The following ZC3HAV1 variants were observed in gnomAD, a reference collection of about 807,000 sequenced individuals.
ZC3HAV1 encodes the protein zinc finger CCCH-type containing, antiviral 1.
In ZC3HAV1, 41 loss-of-function variants were observed where a neutral mutation model predicts 86.6. The observed-to-expected ratio is 0.47, with a 90% CI of 0.37 to 0.61. The LOEUF (loss-of-function observed/expected upper bound fraction) is 0.61. ZC3HAV1 is among the 20% of genes least tolerant of loss of function. The pLI, the probability that ZC3HAV1 is intolerant of heterozygous loss-of-function variation, is 0.00. For missense variants in ZC3HAV1, 964 were observed against 1,141.1 expected (o/e 0.84, Z 2.24); for synonymous variants, 421 against 432.1 (o/e 0.97, Z 0.32).
intron 12 of ZC3HAV1, among the ~76,000 whole-genome samples, chr7:139,048,103 C>A (rs565916975): frequency 1.8e-4 from 28 of 152,236 alleles, no homozygotes; most frequent in African/African-American, 4.1e-4. Context: ...ATAGTGTGAG[C>A]CATTGGGTGC....
chr7:139,092,875 G>A (rs994969764), intron 1 of ZC3HAV1, among the ~76,000 whole-genome samples: 1 of 152,094 alleles, frequency 6.6e-6, no homozygotes, highest in African/African-American at 2.4e-5. Flanking sequence ...TCTCTGTCTC[G>A]TCTTGGTCTG....
intron 7 of ZC3HAV1, among the ~76,000 whole-genome samples, chr7:139,068,938 T>C (rs745555392): frequency 1.2e-4 from 18 of 152,248 alleles, no homozygotes; most frequent in Non-Finnish European, 1.3e-4. Flanking sequence ...GTCACACAAC[T>C]GACTGATGGT....
At chr7:139,089,175 C>T (rs1409442661) in intron 2 of ZC3HAV1, among the ~76,000 whole-genome samples, 2 of 150,988 alleles carry the variant, frequency 1.3e-5, no homozygotes, top group Admixed American at 1.3e-4. Flanking sequence ...TTGCTGACCC[C>T]TGACCTAGAT....
At chr7:139,088,260 A>G (rs1817331934) in intron 2 of ZC3HAV1, among the ~76,000 whole-genome samples, 1 of 152,100 alleles carries the variant, frequency 6.6e-6, no homozygotes, top group Non-Finnish European at 1.5e-5. Context: ...ACTGTTAATT[A>G]TCCACCATTG....
intron 1 of ZC3HAV1, among the ~76,000 whole-genome samples, chr7:139,099,927 A>G (rs534889357): frequency 1.3e-5 from 2 of 152,082 alleles, no homozygotes; most frequent in Non-Finnish European, 2.9e-5. Context: ...AAATAAATAA[A>G]TAAATAAATA....
intron 5 of ZC3HAV1, 44 bp downstream of exon 5, chr7:139,078,508 G>A (rs751139782): frequency 2.7e-6 from 4 of 1,460,616 alleles, no homozygotes; most frequent in Middle Eastern, 1.7e-4. Flanking sequence ...TATTTACAAT[G>A]GCCAAAAGGT....
chr7:139,073,235 G>T (rs563148254), intron 7 of ZC3HAV1, among the ~76,000 whole-genome samples: 1 of 151,988 alleles, frequency 6.6e-6, no homozygotes, highest in African/African-American at 2.4e-5. Flanking sequence ...GGAGATGGAG[G>T]TTGCAGTGAG....
chr7:139,097,434 T>TTTTA (rs1554445031), intron 1 of ZC3HAV1, among the ~76,000 whole-genome samples: 6 of 105,818 alleles, frequency 5.7e-5, no homozygotes, highest in African/African-American at 2.7e-4. Flanking sequence ...ATATATTTTT[T>TTTTA]TTTTTTTTTT....
intron 1 of ZC3HAV1, among the ~76,000 whole-genome samples, chr7:139,103,265 ATTTT>A (rs1307670377): frequency 6.8e-6 from 1 of 148,130 alleles, no homozygotes; most frequent in African/African-American, 2.5e-5. Context: ...TTATTTTTTT[ATTTT>A]TTTATTTTTT....
At chr7:139,104,297 A>T (rs1039799359) in intron 1 of ZC3HAV1, among the ~76,000 whole-genome samples, 13 of 152,292 alleles carry the variant, frequency 8.5e-5, no homozygotes, top group Non-Finnish European at 1.6e-4. Flanking sequence ...CATCGGCAAA[A>T]ACCGCAAAGC....
chr7:139,101,568 A>G (rs1563142419), intron 1 of ZC3HAV1, among the ~76,000 whole-genome samples: 1 of 138,958 alleles, frequency 7.2e-6, no homozygotes, highest in Non-Finnish European at 1.5e-5. Context: ...TGTGGAATAG[A>G]AAAGGGGGAA....
intron 12 of ZC3HAV1, 73 bp downstream of exon 12, chr7:139,053,378 A>G: frequency 3.4e-6 from 5 of 1,460,174 alleles, no homozygotes; most frequent in Non-Finnish European, 4.5e-6. Flanking sequence ...AATTACATAT[A>G]CCTCCTAATA....
intron 1 of ZC3HAV1, among the ~76,000 whole-genome samples, chr7:139,090,609 CCTT>C (rs1817401987): frequency 6.6e-6 from 1 of 151,776 alleles, no homozygotes; most frequent in Non-Finnish European, 1.5e-5. Context: ...TAATAGTTCT[CCTT>C]CATTTCCAAA....
At chr7:139,062,598 C>G (rs530735917) in intron 8 of ZC3HAV1, among the ~76,000 whole-genome samples, 4 of 152,354 alleles carry the variant, frequency 2.6e-5, no homozygotes, top group Admixed American at 6.5e-5. Context: ...ACCATTGTCT[C>G]TCACCACCCT....
At position 139,108,899 on chromosome 7, in the gene ZC3HAV1, C is replaced by T; in HGVS notation, c.308+125G>A. ...CAGAGGGGAGCAGAGAAGGGAGTGG[C>T]TGGAGGCGGAGGCTGTCAGGTGCGG... is the stretch of plus-strand genomic sequence containing the variant. On this transcript the variant is annotated intron_variant, in intron 1 of 12. Coordinates refer to ENST00000242351, the MANE Select transcript of ZC3HAV1 (RefSeq NM_020119.4). The surrounding 1 kb of genome is among the most constrained non-coding windows in gnomAD (Gnocchi z 4.2). 7.9e-7 allele frequency: 1 copy of T among 1,261,968 alleles called. No individual in the cohort carries two copies. The highest frequency in any genetic ancestry group is 1.1e-6 in the Non-Finnish European group (1 of 932,226). The allele number at this position is 1,261,968 out of a possible 1,614,324, so 78.2% of individuals were successfully genotyped here. A position where few individuals can be genotyped will look rare whatever the true frequency, so the allele number is the denominator to read the frequency against.
At chr7:139,090,244 T>C (rs924145071) in intron 1 of ZC3HAV1, among the ~76,000 whole-genome samples, 2 of 152,154 alleles carry the variant, frequency 1.3e-5, no homozygotes, top group Non-Finnish European at 2.9e-5. Context: ...TTAAATATAC[T>C]TTAAATATTA....
chr7:139,065,118 G>T, intron 7 of ZC3HAV1, 119 bp from the exon 8 acceptor site: 1 of 1,336,578 alleles, frequency 7.5e-7, no homozygotes, highest in Non-Finnish European at 1.0e-6. Context: ...TCCCAAACCA[G>T]ATTGTAAAAG....
At position 139,078,550 on chromosome 7, in the gene ZC3HAV1, ACC is replaced by A; in HGVS notation, c.1573_1573+1del. The A allele has an allele frequency of 6.3e-7, 1 of 1,591,914 alleles. No homozygotes were observed. Among genetic ancestry groups the A allele is most frequent in the Non-Finnish European group, 8.5e-7 (1 of 1,172,892 alleles). ...TTACAGAAAAGTCCTTAGGTTACTCACCATTAAGCGGACAACCCTTACACAGA... is the reference window on the plus strand; with the variant it reads ...TTACAGAAAAGTCCTTAGGTTACTCAATTAAGCGGACAACCCTTACACAGA... On this transcript the variant is annotated splice_donor_variant and coding_sequence_variant, in exon 5 of 13. Transcript: ENST00000242351. LOFTEE classifies it high-confidence loss of function.
At chr7:139,057,826 C>A in intron 9 of ZC3HAV1, among the ~76,000 whole-genome samples, 1 of 21,556 alleles carries the variant, frequency 4.6e-5, no homozygotes, top group Non-Finnish European at 8.4e-5. Context: ...AGACGTGAGC[C>A]ACCGCGCCCG....
Sources: allele counts gnomAD v4.1 joint callset (sites outside exome capture counted in the v4.1 genomes callset), GRCh38; gene constraint gnomAD v4.1.1; non-coding constraint Gnocchi (gnomAD v3.1); transcripts MANE v1.5; gene names NCBI Gene and HGNC (gene_info 2026-07-23, HGNC 2026-07-21).